The following GRM7 variants were observed in gnomAD, a reference collection of about 807,000 sequenced individuals.
GRM7 encodes the protein metabotropic glutamate receptor 7.
In GRM7, 35 loss-of-function variants were observed where a neutral mutation model predicts 84.5. That is an observed-to-expected ratio of 0.41 (90% CI 0.32 to 0.55). The LOEUF (loss-of-function observed/expected upper bound fraction) is 0.55. Among genes scored for constraint, GRM7 ranks in the 20% least tolerant of loss-of-function variants. The probability of loss-of-function intolerance (pLI) is 0.19; values close to 1 mark genes in which losing one functional copy is unlikely to be tolerated. For synonymous variants in GRM7, 487 were observed against 455.1 expected (o/e 1.07, Z -0.89); for missense variants, 1,003 against 1,194.6 (o/e 0.84, Z 2.36).
Position 6,861,544 on chromosome 3 carries a change from G to A in GRM7, c.156G>A (p.Gly52=), listed in dbSNP as rs1694755661. ...GGATCGAGGGGGACGTCACCCTCGGGGGGCTGTTCCCCGTGCACGCCAAGG... is the reference window on the plus strand; with the variant it reads ...GGATCGAGGGGGACGTCACCCTCGGAGGGCTGTTCCCCGTGCACGCCAAGG... ...SIRIEGDVTL[G]GLFPVHAKGP... The change falls in exon 1 of 10, where the codon GGG becomes GGA. Residue 52 remains glycine, a synonymous_variant. Transcript: ENST00000357716. This position sits in a 1 kb window ranked among gnomAD's most constrained non-coding sequence, Gnocchi z 6.4. 1 of 1,586,096 alleles carries A rather than the reference G, an allele frequency of 6.3e-7. No homozygotes were observed. Among genetic ancestry groups the A allele is most frequent in the African/African-American group, 1.3e-5 (1 of 74,276 alleles).
chr3:7,608,077 G>A (rs762201803), intron 8 of GRM7: 3 of 356,544 alleles, frequency 8.4e-6, no homozygotes, highest in East Asian at 1.0e-4. Context: ...CTTTTTTATG[G>A]CTGTACAGTA....
chr3:7,509,296 T>G (rs1443306589), intron 7 of GRM7, among the ~76,000 whole-genome samples: 2 of 152,190 alleles, frequency 1.3e-5, no homozygotes, highest in African/African-American at 4.8e-5. Flanking sequence ...ATTTTATGAT[T>G]AGTTGTTATT....
chr3:7,053,478 T>C (rs1228424285), intron 1 of GRM7, among the ~76,000 whole-genome samples: 1 of 151,750 alleles, frequency 6.6e-6, no homozygotes, highest in Non-Finnish European at 1.5e-5. Flanking sequence ...AATGTTCTCC[T>C]ATTCTTTTCT....
chr3:7,421,608 TC>T (rs1388310330), intron 5 of GRM7, among the ~76,000 whole-genome samples: 1 of 152,028 alleles, frequency 6.6e-6, no homozygotes, highest in East Asian at 1.9e-4. Flanking sequence ...GCATGATTTT[TC>T]ACTAGCCATG....
intron 7 of GRM7, among the ~76,000 whole-genome samples, chr3:7,507,387 A>T (rs1426518847): frequency 2.0e-5 from 3 of 152,232 alleles, no homozygotes; most frequent in African/African-American, 7.2e-5. Context: ...GTGTAAACAG[A>T]TGGGAGTCAA....
chr3:7,707,828 G>A (rs962282975), intron 9 of GRM7, among the ~76,000 whole-genome samples: 2 of 151,558 alleles, frequency 1.3e-5, no homozygotes, highest in African/African-American at 2.4e-5. Context: ...TCTACTTACT[G>A]TGCTGTATGC....
chr3:7,092,110 G>A (rs1018772148), intron 1 of GRM7, among the ~76,000 whole-genome samples: 2 of 152,146 alleles, frequency 1.3e-5, no homozygotes, highest in African/African-American at 4.8e-5. Context: ...CAGGGTTCAA[G>A]CCATTCTCCC....
At chr3:7,715,861 C>T (rs1333006138) in intron 9 of GRM7, among the ~76,000 whole-genome samples, 3 of 152,154 alleles carry the variant, frequency 2.0e-5, no homozygotes, top group Admixed American at 6.5e-5. Context: ...CTTCCTATTT[C>T]TTCTTCACTT....
chr3:7,456,178 G>A (rs889270575), intron 6 of GRM7, among the ~76,000 whole-genome samples: 1 of 151,646 alleles, frequency 6.6e-6, no homozygotes, highest in African/African-American at 2.4e-5. Flanking sequence ...TCTGGTTCAT[G>A]GATATGTATG....
intron 1 of GRM7, among the ~76,000 whole-genome samples, chr3:7,064,384 C>T (rs1016148313): frequency 3.4e-5 from 5 of 148,400 alleles, no homozygotes; most frequent in Non-Finnish European, 4.5e-5. Flanking sequence ...AGTCTCCAAT[C>T]GCATCCAGGT....
chr3:7,140,041 C>T (rs922628190), intron 1 of GRM7, among the ~76,000 whole-genome samples: 1 of 151,844 alleles, frequency 6.6e-6, no homozygotes, highest in African/African-American at 2.4e-5. Context: ...CTACAAATGG[C>T]CAACAGGTAC....
At chr3:7,408,837 T>C (rs1695792698) in intron 4 of GRM7, among the ~76,000 whole-genome samples, 1 of 152,232 alleles carries the variant, frequency 6.6e-6, no homozygotes, top group Non-Finnish European at 1.5e-5. Flanking sequence ...TTGCTGTGGT[T>C]GAATCCATGC....
chr3:7,498,611 C>T (rs549090287), intron 7 of GRM7, among the ~76,000 whole-genome samples: 11 of 152,242 alleles, frequency 7.2e-5, no homozygotes, highest in African/African-American at 1.7e-4. Flanking sequence ...TTTAAAGATT[C>T]AGTGTACATA....
chr3:7,282,877 G>A (rs1699302919), intron 2 of GRM7, among the ~76,000 whole-genome samples: 1 of 152,166 alleles, frequency 6.6e-6, no homozygotes, highest in African/African-American at 2.4e-5. Flanking sequence ...TGAAAAATGT[G>A]GACCAGAGGA....
chr3:7,592,368 C>T (rs1695832503), intron 8 of GRM7, among the ~76,000 whole-genome samples: 4 of 152,078 alleles, frequency 2.6e-5, no homozygotes, highest in Non-Finnish European at 2.9e-5. Flanking sequence ...TGAACAAAGA[C>T]ATAAAGAAGC....
At chr3:7,421,833 G>A (rs763226852) in intron 5 of GRM7, among the ~76,000 whole-genome samples, 12 of 145,124 alleles carry the variant, frequency 8.3e-5, no homozygotes, top group Non-Finnish European at 3.0e-5. Flanking sequence ...TTTTAAAGGA[G>A]TAAAATACAT....
At chr3:7,025,894 C>T (rs1695963762) in intron 1 of GRM7, among the ~76,000 whole-genome samples, 1 of 152,122 alleles carries the variant, frequency 6.6e-6, no homozygotes, top group African/African-American at 2.4e-5. Flanking sequence ...GAGTGTCTGG[C>T]ATCAGAAGTA....
intron 8 of GRM7, among the ~76,000 whole-genome samples, chr3:7,587,453 T>C (rs1368693329): frequency 6.6e-6 from 1 of 152,126 alleles, no homozygotes; most frequent in Non-Finnish European, 1.5e-5. Flanking sequence ...GGTAAAATAG[T>C]CACATATCTG....
Position 7,314,516 on chromosome 3 carries a change from G to T in GRM7, c.1033+7864G>T, listed in dbSNP as rs151055095. On this transcript the variant is annotated intron_variant, in intron 4 of 9. Transcript: ENST00000357716. ...CCACAAAACAGAGATCTTTGCTAAC[G>T]TATGAATTTACACTCTAGCAGAAGT... Among the ~76,000 whole-genome samples, 792 of 152,226 alleles carry T rather than the reference G, an allele frequency of 5.2e-3. 10 individuals carry two copies. Among genetic ancestry groups the T allele is most frequent in the African/African-American group, 0.018 (761 of 41,530 alleles).
Sources: allele counts gnomAD v4.1 joint callset (sites outside exome capture counted in the v4.1 genomes callset), GRCh38; gene constraint gnomAD v4.1.1; non-coding constraint Gnocchi (gnomAD v3.1); transcripts MANE v1.5; gene names NCBI Gene and HGNC (gene_info 2026-07-23, HGNC 2026-07-21).